Variants in NEGR1 observed in about 807,000 individuals in gnomAD.
NEGR1 encodes IgLON family member 4.
A neutral mutation model predicts 40.9 loss-of-function variants in NEGR1; 10 were observed. That is an observed-to-expected ratio of 0.24 (90% CI 0.15 to 0.42). NEGR1 has a LOEUF of 0.42. Among genes scored for constraint, NEGR1 ranks in the 10% least tolerant of loss-of-function variants. The probability of loss-of-function intolerance (pLI) is 1.00; values close to 1 mark genes in which losing one functional copy is unlikely to be tolerated. For missense variants in NEGR1, 352 were observed against 438.9 expected, an observed-to-expected ratio of 0.80 and a Z score of 1.77; for synonymous variants, 185 against 166.8, an observed-to-expected ratio of 1.11 and a Z score of -0.84.
intron 1 of NEGR1, among the ~76,000 whole-genome samples, chr1:72,124,524 G>T (rs568133000): frequency 2.0e-5 from 3 of 151,998 alleles, no homozygotes; most frequent in Non-Finnish European, 4.4e-5. Flanking sequence ...CCGGGACCCC[G>T]TAATTTTAGG....
chr1:72,050,381 C>G (rs1421794509), intron 1 of NEGR1, among the ~76,000 whole-genome samples: 2 of 151,310 alleles, frequency 1.3e-5, no homozygotes, highest in Non-Finnish European at 3.0e-5. Context: ...GTGTAACCTG[C>G]ACAATTTTAA....
chr1:71,700,167 T>A (rs1401694391), intron 3 of NEGR1, among the ~76,000 whole-genome samples: 1 of 152,040 alleles, frequency 6.6e-6, no homozygotes, highest in Non-Finnish European at 1.5e-5. Flanking sequence ...TTTTAAATTT[T>A]TATTATTATG....
At chr1:71,440,163 C>T (rs1010660462) in intron 6 of NEGR1, among the ~76,000 whole-genome samples, 1 of 152,110 alleles carries the variant, frequency 6.6e-6, no homozygotes, top group African/African-American at 2.4e-5. Flanking sequence ...GAATAAGTAT[C>T]TTCACCCAAA....
chr1:71,549,133 C>T (rs12058909), intron 6 of NEGR1, among the ~76,000 whole-genome samples: 39,435 of 151,572 alleles, frequency 0.26, 5,951 homozygotes, highest in East Asian at 0.61. Context: ...CTTACTATAT[C>T]CTAAACATTA....
intron 3 of NEGR1, among the ~76,000 whole-genome samples, chr1:71,740,180 A>G (rs1468932820): frequency 6.6e-6 from 1 of 152,182 alleles, no homozygotes; most frequent in Non-Finnish European, 1.5e-5. Context: ...TGTTCCTAAT[A>G]TGTTATAAAC....
chr1:72,010,445 T>C (rs1481878067), intron 1 of NEGR1, among the ~76,000 whole-genome samples: 4 of 152,138 alleles, frequency 2.6e-5, no homozygotes, highest in African/African-American at 4.8e-5. Flanking sequence ...TAGTACAAAG[T>C]CATACTCTCT....
At chr1:71,565,052 AC>A (rs1648576734) in intron 6 of NEGR1, among the ~76,000 whole-genome samples, 1 of 152,178 alleles carries the variant, frequency 6.6e-6, no homozygotes, top group Non-Finnish European at 1.5e-5. Flanking sequence ...AAGAATCAGT[AC>A]TGAGATCCTC....
intron 1 of NEGR1, among the ~76,000 whole-genome samples, chr1:72,061,717 C>T (rs750961746): frequency 1.3e-5 from 2 of 151,776 alleles, no homozygotes; most frequent in Non-Finnish European, 2.9e-5. Context: ...TTTCAGCCCC[C>T]TCCAAGTAAT....
intron 2 of NEGR1, among the ~76,000 whole-genome samples, chr1:71,896,499 T>C (rs990270955): frequency 6.6e-6 from 1 of 152,220 alleles, no homozygotes; most frequent in African/African-American, 2.4e-5. Context: ...CTGCGTGTTA[T>C]TTCACTTTCT....
intron 6 of NEGR1, among the ~76,000 whole-genome samples, chr1:71,539,554 G>A (rs1419238725): frequency 6.6e-6 from 1 of 151,634 alleles, no homozygotes; most frequent in Non-Finnish European, 1.5e-5. Context: ...GTAGATGTGT[G>A]TATATGATGG....
At chr1:71,827,403 CTTG>C (rs1658669389) in intron 2 of NEGR1, among the ~76,000 whole-genome samples, 2 of 151,864 alleles carry the variant, frequency 1.3e-5, no homozygotes, top group South Asian at 2.1e-4. Context: ...CAACAAGAAT[CTTG>C]TCACACAACT....
In NEGR1 at chr1:71,799,718, C is replaced by CT. The variant is rs201329752; in HGVS notation, c.410-23422dup. ...CTCTCCAGCATCTGTTGTCTCCTGA[C>CT]TTTTTTTTTTTTGAGATGGAGTCTG... On this transcript the variant is annotated intron_variant, in intron 2 of 6. Transcript: ENST00000357731. Among the ~76,000 whole-genome samples the CT allele has an allele frequency of 1.6e-3, 241 of 146,660 alleles. 1 individual carries two copies. Among genetic ancestry groups the CT allele is most frequent in the South Asian group, 9.9e-3 (46 of 4,650 alleles).
At chr1:71,946,670 TC>T (rs1361698841) in intron 1 of NEGR1, among the ~76,000 whole-genome samples, 1 of 152,128 alleles carries the variant, frequency 6.6e-6, no homozygotes, top group African/African-American at 2.4e-5. Context: ...TCCTATCTTT[TC>T]TACTGTAAAA....
chr1:71,887,238 G>A (rs1660748348), intron 2 of NEGR1, among the ~76,000 whole-genome samples: 2 of 152,200 alleles, frequency 1.3e-5, no homozygotes, highest in South Asian at 2.1e-4. Context: ...GTAGGCTGAG[G>A]AGGAGGAGGA....
intron 3 of NEGR1, among the ~76,000 whole-genome samples, chr1:71,750,543 C>T (rs1440924569): frequency 1.3e-5 from 2 of 152,162 alleles, no homozygotes; most frequent in Admixed American, 6.5e-5. Context: ...GAGCAAGTCA[C>T]ATCTTACATG....
intron 1 of NEGR1, among the ~76,000 whole-genome samples, chr1:72,141,851 T>C (rs1035119517): frequency 6.6e-6 from 1 of 151,976 alleles, no homozygotes. Flanking sequence ...GGTAGGGGTT[T>C]AGCAAAAGTA....
At chr1:72,241,284 G>A (rs1181827961) in intron 1 of NEGR1, among the ~76,000 whole-genome samples, 2 of 151,814 alleles carry the variant, frequency 1.3e-5, no homozygotes, top group Admixed American at 1.3e-4. Context: ...CAGTCCCAGA[G>A]ATTAAGTGAA....
intron 1 of NEGR1, among the ~76,000 whole-genome samples, chr1:72,157,199 G>C (rs1651391949): frequency 6.6e-6 from 1 of 152,036 alleles, no homozygotes; most frequent in African/African-American, 2.4e-5. Context: ...TCAAACCCCT[G>C]GCCTCAAGTG....
intron 6 of NEGR1, among the ~76,000 whole-genome samples, chr1:71,587,559 G>T (rs923613917): frequency 6.6e-6 from 1 of 152,072 alleles, no homozygotes; most frequent in African/African-American, 2.4e-5. Context: ...GCAGGGAAAA[G>T]ACAGTTTTGA....
Sources: allele counts gnomAD v4.1 joint callset (sites outside exome capture counted in the v4.1 genomes callset), GRCh38; gene constraint gnomAD v4.1.1; transcripts MANE v1.5; gene names NCBI Gene and HGNC (gene_info 2026-07-23, HGNC 2026-07-21).